Variants in ABCA5 observed in about 807,000 individuals in gnomAD.
ABCA5 encodes the protein ATP binding cassette subfamily A member 5.
ABCA5 carries 163 observed loss-of-function variants against 206.0 expected under a neutral mutation model. The ratio of observed to expected loss-of-function variants is 0.79; its 90% CI spans 0.70 to 0.90. The LOEUF (loss-of-function observed/expected upper bound fraction) is 0.90. Ranked by LOEUF, ABCA5 falls within the 40% of genes least tolerant of loss-of-function variation. The pLI is 0.00. For missense variants in ABCA5, 1,859 were observed against 1,912.9 expected, an observed-to-expected ratio of 0.97 and a Z score of 0.53; for synonymous variants, 609 against 613.8, an observed-to-expected ratio of 0.99 and a Z score of 0.11.
chr17:69,254,534 A>G, intron 31 of ABCA5, 44 bp from the exon 32 acceptor site: 3 of 1,545,458 alleles, frequency 1.9e-6, no homozygotes, highest in Non-Finnish European at 2.7e-6. Flanking sequence ...CTTAATTTAC[A>G]CTGTGAAGGA....
Position 69,261,746 on chromosome 17 carries a change from A to C in ABCA5, c.3318T>G (p.Val1106=). Residue 1106 remains valine (V), a splice_region_variant and synonymous_variant, in exon 25 of 39, where the codon GTT becomes GTG. Transcript: ENST00000392676. ...YFYTVKFLAV[V]FCLIGYVPSV... is the part of the protein sequence containing the mutation. The stretch of plus-strand genomic sequence containing the variant: ...ATGGAACATAACCAATAAGGCAAAA[A>C]ACCTGTAAATCAGAAATATGTTTCT... 7.3e-7 allele frequency: 1 copy of C among 1,363,274 alleles called. No individual in the cohort carries two copies. The highest frequency in any genetic ancestry group is 9.9e-7 in the Non-Finnish European group (1 of 1,013,614). 84.4% of individuals were successfully genotyped at this position (1,363,274 alleles called of 1,614,324 possible).
In ABCA5 at chr17:69,259,784, C is replaced by G; in HGVS notation, c.3653G>C (p.Cys1218Ser). Residue 1218 changes from cysteine to serine, a missense_variant, in exon 28 of 39, where the codon TGT becomes TCT. By Grantham distance (112) the Cys-to-Ser change is moderately radical. Coordinates refer to ENST00000392676, the MANE Select transcript of ABCA5 (RefSeq NM_172232.4). ...TTGTAAGAGGAAAATCCACAGTACA[C>G]ACTGCAGGTAAGGCTAAAAGAAGAA... is the stretch of plus-strand genomic sequence containing the variant. ...SVAVISPYLQ[C>S]VLWIFLLQYY... 1 of 1,602,154 alleles carries G rather than the reference C, an allele frequency of 6.2e-7. No homozygotes were observed. Among genetic ancestry groups the G allele is most frequent in the Non-Finnish European group, 8.5e-7 (1 of 1,171,488 alleles).
intron 7 of ABCA5, among the ~76,000 whole-genome samples, chr17:69,303,674 C>T (rs1368671363): frequency 7.8e-6 from 1 of 128,410 alleles, no homozygotes; most frequent in Non-Finnish European, 1.6e-5. Flanking sequence ...CATGTAATCC[C>T]AGCACTTTGG....
intron 18 of ABCA5, among the ~76,000 whole-genome samples, chr17:69,281,225 GAT>G (rs2075389508): frequency 6.6e-6 from 1 of 151,482 alleles, no homozygotes; most frequent in African/African-American, 2.4e-5. Flanking sequence ...GTACTAGTGA[GAT>G]AACTTTAGGA....
intron 27 of ABCA5, 71 bp downstream of exon 27, chr17:69,260,267 C>T (rs937224860): frequency 1.7e-5 from 20 of 1,170,078 alleles, no homozygotes; most frequent in Non-Finnish European, 2.4e-5. Context: ...AAAAACTAAA[C>T]ATAGTTAAAA....
intron 36 of ABCA5, among the ~76,000 whole-genome samples, 166 bp from the exon 37 acceptor site, chr17:69,250,150 C>A (rs1343534214): frequency 6.6e-6 from 1 of 151,874 alleles, no homozygotes; most frequent in African/African-American, 2.4e-5. Flanking sequence ...CAAAACAACT[C>A]TCATTACTAC....
intron 7 of ABCA5, among the ~76,000 whole-genome samples, chr17:69,303,859 T>TAC (rs2075687299): frequency 1.9e-5 from 1 of 52,046 alleles, no homozygotes; most frequent in African/African-American, 6.3e-5. Context: ...TATATATGTA[T>TAC]ATATATATAT....
At chr17:69,281,886 C>T (rs190090198) in intron 18 of ABCA5, among the ~76,000 whole-genome samples, 2 of 152,174 alleles carry the variant, frequency 1.3e-5, no homozygotes, top group Admixed American at 6.5e-5. Flanking sequence ...ATCACCCACT[C>T]GGCATTCATG....
chr17:69,257,071 C>A (rs2075091318), intron 28 of ABCA5, among the ~76,000 whole-genome samples: 1 of 151,704 alleles, frequency 6.6e-6, no homozygotes, highest in African/African-American at 2.4e-5. Flanking sequence ...AACAAAGGAA[C>A]AAGAAAAATG....
At chr17:69,298,316 GAGGA>G (rs71144670) in intron 9 of ABCA5, among the ~76,000 whole-genome samples, 31 of 42,098 alleles carry the variant, frequency 7.4e-4, no homozygotes, top group African/African-American at 1.4e-3. Flanking sequence ...AAGAGAGAGA[GAGGA>G]AGGAAGGAAG....
At chr17:69,297,134 G>C (rs1421540295) in intron 10 of ABCA5, 57 bp downstream of exon 10, 2 of 1,478,312 alleles carry the variant, frequency 1.4e-6, no homozygotes, top group East Asian at 2.3e-5. Flanking sequence ...TAAAGAATAG[G>C]ATTTAAATGT....
rs780755276 is a variant in ABCA5, at chr17:69,287,719, C to T, written c.1935G>A (p.Met645Ile). 2 of 1,613,418 alleles carry T rather than the reference C, an allele frequency of 1.2e-6. No homozygotes were observed. The highest frequency in any genetic ancestry group is 2.2e-5 in the East Asian group (1 of 44,820). The change falls in exon 15 of 39, where the codon ATG (methionine) becomes ATA (isoleucine). Residue 645 changes from methionine (M) to isoleucine (I), a missense_variant. Met to Ile is a conservative substitution (Grantham distance 10). Coordinates refer to ENST00000392676, the MANE Select transcript of ABCA5 (RefSeq NM_172232.4). The stretch of plus-strand genomic sequence containing the variant: ...ATACAATATGTCGAGAACAGGGGTC[C>T]ATTCCAGCTGTTGGTTCATCTAGCA... ...ILLLDEPTAG[M>I]DPCSRHIVWN... is the part of the protein sequence containing the mutation.
In ABCA5 at chr17:69,302,776, G is replaced by T. The variant is rs892454700; in HGVS notation, c.1061C>A (p.Ser354Ter). 2.5e-6 allele frequency: 4 copies of T among 1,599,050 alleles called. No homozygotes were observed. Among genetic ancestry groups the T allele is most frequent in the South Asian group, 2.3e-5 (2 of 87,478 alleles). ...GAAAGGACTGAAAAGCCACACTAAC[G>T]ATTTGGGAAAACTTTCTATGAGGAT... Reference protein sequence around the residue: ...MIILIESFPKSLVWLFSPFCH... With the variant: ...MIILIESFPK The change falls in exon 8 of 39, where the codon TCG (serine) becomes TAG (stop). Residue 354 changes from serine to a stop codon, truncating the protein, a stop_gained. Coordinates refer to ENST00000392676, the MANE Select transcript of ABCA5 (RefSeq NM_172232.4). LOFTEE classifies it high-confidence loss of function.
chr17:69,261,651 G>T lies in ABCA5; in HGVS notation c.3413C>A (p.Ser1138Ter). 1.4e-6 allele frequency: 2 copies of T among 1,401,172 alleles called. No homozygotes were observed. Among genetic ancestry groups the T allele is most frequent in the South Asian group, 1.3e-5 (1 of 75,684 alleles). The allele number at this position is 1,401,172 out of a possible 1,614,324, so 86.8% of individuals were successfully genotyped here. A position where few individuals can be genotyped will look rare whatever the true frequency, so the allele number is the denominator to read the frequency against. ...KKILNTKEFW[S>*]FIYSVAALAC... is the part of the protein sequence containing the mutation. ...GTGACTTACCACAGAATAGATAAAT[G>T]ACCAAAATTCTTTGGTATTTAAAAT... is the stretch of plus-strand genomic sequence containing the variant. Residue 1138 changes from serine (S) to a stop codon, truncating the protein, a stop_gained, in exon 25 of 39, where the codon TCA becomes TAA. Transcript: ENST00000392676. LOFTEE classifies it high-confidence loss of function.
intron 30 of ABCA5, 33 bp from the exon 31 acceptor site, chr17:69,255,667 C>A: frequency 6.4e-7 from 1 of 1,572,818 alleles, no homozygotes; most frequent in South Asian, 1.2e-5. Flanking sequence ...AAATCATAAT[C>A]AAATCATACT....
intron 22 of ABCA5, 81 bp from the exon 23 acceptor site, chr17:69,268,137 CA>C (rs926542185): frequency 9.4e-4 from 576 of 612,212 alleles, no homozygotes; most frequent in South Asian, 1.9e-3. Flanking sequence ...TATCTTATAT[CA>C]AAAAAAAATC....
At position 69,283,831 on chromosome 17, in the gene ABCA5, C is replaced by G. The variant is rs949408833; in HGVS notation, c.2392+122G>C. 4.0e-6 allele frequency: 4 copies of G among 1,010,470 alleles called. No individual in the cohort carries two copies. The African/African-American group carries it at 6.9e-5, about 17-fold the overall frequency. 62.6% of individuals were successfully genotyped at this position (1,010,470 alleles called of 1,614,324 possible). On this transcript the variant is annotated intron_variant, in intron 18 of 38. Coordinates refer to ENST00000392676, the MANE Select transcript of ABCA5 (RefSeq NM_172232.4). ...TCCTATCACTATCAGTATCTCATTA[C>G]TTATTTACTTATTTCTACCCTTTAT...
At position 69,265,877 on chromosome 17, in the gene ABCA5, G is replaced by T. The variant is rs1273235912; in HGVS notation, c.3145-972C>A. On this transcript the variant is annotated intron_variant, in intron 23 of 38. Transcript: ENST00000392676. ...GAACACTCATCTTGGAAAATAATTT[G>T]GCAATTTCTTATAAAATTAACATGT... Among the ~76,000 whole-genome samples, 3 of 152,160 alleles carry T rather than the reference G, an allele frequency of 2.0e-5. No individual in the cohort carries two copies. The East Asian group carries it at 5.8e-4, about 29-fold the overall frequency.
chr17:69,298,488 A>T (rs1356930039), intron 9 of ABCA5, among the ~76,000 whole-genome samples: 1 of 152,124 alleles, frequency 6.6e-6, no homozygotes, highest in Non-Finnish European at 1.5e-5. Context: ...TTTCAAAGGG[A>T]TCTGATGCCA....
Sources: gnomAD v4.1 joint callset for allele counts (sites outside exome capture counted in the v4.1 genomes callset) on GRCh38, gnomAD v4.1.1 for gene constraint, MANE v1.5 for transcripts, NCBI Gene and HGNC (gene_info 2026-07-23, HGNC 2026-07-21) for gene names.